KCNQ3: variants seen among roughly 807,000 people sequenced by gnomAD.
The protein encoded by KCNQ3 is potassium voltage-gated channel subfamily KQT member 3.
In KCNQ3, 30 loss-of-function variants were observed where a neutral mutation model predicts 92.5. The ratio of observed to expected loss-of-function variants is 0.32; its 90% CI spans 0.24 to 0.44. The LOEUF is 0.44. KCNQ3 is among the 20% of genes least tolerant of loss of function. The pLI is 1.00. For synonymous variants in KCNQ3, 450 were observed against 468.8 expected (o/e 0.96, Z 0.52); for missense variants, 913 against 1,140.3 (o/e 0.80, Z 2.87).
At chr8:132,262,891 C>T (rs868513431) in intron 1 of KCNQ3, among the ~76,000 whole-genome samples, 1 of 152,140 alleles carries the variant, frequency 6.6e-6, no homozygotes, top group Non-Finnish European at 1.5e-5. Context: ...TGACATTGAT[C>T]GGCTAAATCC....
chr8:132,389,989 T>C (rs1319467082), intron 1 of KCNQ3, among the ~76,000 whole-genome samples: 1 of 152,220 alleles, frequency 6.6e-6, no homozygotes, highest in Non-Finnish European at 1.5e-5. Context: ...CCTAACAGCA[T>C]TATTTGTAAT....
At chr8:132,176,248 C>T (rs62519578) in intron 4 of KCNQ3, among the ~76,000 whole-genome samples, 7,785 of 152,210 alleles carry the variant, frequency 0.051, 315 homozygotes, top group Non-Finnish European at 0.074. Context: ...ATATAATAGA[C>T]TAGGACATAT....
intron 1 of KCNQ3, among the ~76,000 whole-genome samples, chr8:132,314,746 C>T (rs1442372862): frequency 6.6e-6 from 1 of 152,100 alleles, no homozygotes; most frequent in Non-Finnish European, 1.5e-5. Flanking sequence ...ATATAATTAG[C>T]AAAAGTAGGC....
chr8:132,392,790 C>CAAAAAAAAAAAAAAAAAAAA (rs56183412), intron 1 of KCNQ3, among the ~76,000 whole-genome samples: 1 of 72,646 alleles, frequency 1.4e-5, no homozygotes, highest in African/African-American at 7.0e-5. Flanking sequence ...GAACCTGTCT[C>CAAAAAAAAAAAAAAAAAAAA]AAAAAAAAAA....
intron 1 of KCNQ3, among the ~76,000 whole-genome samples, chr8:132,296,757 T>G (rs976840780): frequency 2.0e-5 from 3 of 152,166 alleles, no homozygotes; most frequent in African/African-American, 4.8e-5. Context: ...CCATGGTGTA[T>G]ATGTGCCACA....
At chr8:132,439,998 G>T (rs1288785056) in intron 1 of KCNQ3, among the ~76,000 whole-genome samples, 2 of 152,126 alleles carry the variant, frequency 1.3e-5, no homozygotes, top group Non-Finnish European at 2.9e-5. Context: ...ATACAAAGTG[G>T]TGTACTATTT....
chr8:132,214,762 C>T (rs1307640215), intron 1 of KCNQ3, among the ~76,000 whole-genome samples: 2 of 152,224 alleles, frequency 1.3e-5, no homozygotes, highest in Admixed American at 6.5e-5. Flanking sequence ...GGTAATCAAC[C>T]GCATGCCACA....
intron 1 of KCNQ3, among the ~76,000 whole-genome samples, chr8:132,429,615 C>T (rs1019273984): frequency 6.6e-5 from 10 of 152,064 alleles, no homozygotes; most frequent in Non-Finnish European, 7.4e-5. Flanking sequence ...AATCCCAGCA[C>T]GTTGGGAAGC....
chr8:132,348,642 C>T (rs1465622401), intron 1 of KCNQ3, among the ~76,000 whole-genome samples: 1 of 152,220 alleles, frequency 6.6e-6, no homozygotes, highest in East Asian at 1.9e-4. Context: ...TCCACAGGTG[C>T]AGAGGCTGGC....
At chr8:132,384,912 C>T (rs1819852544) in intron 1 of KCNQ3, among the ~76,000 whole-genome samples, 1 of 152,222 alleles carries the variant, frequency 6.6e-6, no homozygotes. Context: ...ACATGCAATG[C>T]TTTTCCCAGT....
At chr8:132,444,193 GT>G (rs769231087) in intron 1 of KCNQ3, among the ~76,000 whole-genome samples, 59 of 152,104 alleles carry the variant, frequency 3.9e-4, no homozygotes, top group Non-Finnish European at 1.3e-4. Context: ...ACGTGGGTGG[GT>G]TGCTGAGCCC....
At chr8:132,266,728 A>G (rs1311921025) in intron 1 of KCNQ3, among the ~76,000 whole-genome samples, 1 of 151,942 alleles carries the variant, frequency 6.6e-6, no homozygotes. Context: ...TCTGGAACCC[A>G]CTCCAGACTT....
chr8:132,468,811 G>C (rs1025849902), intron 1 of KCNQ3, among the ~76,000 whole-genome samples: 19 of 152,074 alleles, frequency 1.2e-4, no homozygotes, highest in African/African-American at 4.6e-4. Flanking sequence ...CCCACCTCGG[G>C]GGGAAGCCAG....
rs111736901 is a variant in KCNQ3 at position 132,401,969 on chromosome 8, C to T, written c.386+78178G>A. Among the ~76,000 whole-genome samples the T allele has an allele frequency of 2.3e-3, 347 of 151,726 alleles. 2 individuals carry two copies. The highest frequency in any genetic ancestry group is 7.6e-3 in the African/African-American group (315 of 41,468). ...TTCTGAGTGAGAGGGCTGGTGCAGT[C>T]GGGCAGTTGCTAGAGCCAAAGCAAA... On this transcript the variant is annotated intron_variant, in intron 1 of 14. Transcript: ENST00000388996.
chr8:132,278,863 C>T (rs1312957759), intron 1 of KCNQ3, among the ~76,000 whole-genome samples: 1 of 152,162 alleles, frequency 6.6e-6, no homozygotes, highest in Non-Finnish European at 1.5e-5. Context: ...TCCCCAAAAG[C>T]TAGATGCCTG....
At chr8:132,177,071 A>G (rs780902144) in intron 4 of KCNQ3, among the ~76,000 whole-genome samples, 4 of 152,206 alleles carry the variant, frequency 2.6e-5, no homozygotes, top group Admixed American at 2.0e-4. Context: ...CCTCTCGCCT[A>G]TGGAGTGTGG....
At chr8:132,213,483 T>C (rs1311745638) in intron 1 of KCNQ3, among the ~76,000 whole-genome samples, 1 of 152,234 alleles carries the variant, frequency 6.6e-6, no homozygotes, top group East Asian at 1.9e-4. Context: ...CTATTTCATT[T>C]TTCTGTGTCC....
intron 1 of KCNQ3, among the ~76,000 whole-genome samples, chr8:132,450,136 G>A (rs1433348480): frequency 6.6e-6 from 1 of 152,188 alleles, no homozygotes; most frequent in Non-Finnish European, 1.5e-5. Flanking sequence ...GGACCCGAGT[G>A]GGTTGCCACT....
At chr8:132,258,613 C>T (rs562251001) in intron 1 of KCNQ3, among the ~76,000 whole-genome samples, 19 of 151,750 alleles carry the variant, frequency 1.3e-4, no homozygotes, top group African/African-American at 4.6e-4. Context: ...AAAAAAATAG[C>T]AAATGAACCG....
Sources: allele counts gnomAD v4.1 joint callset (sites outside exome capture counted in the v4.1 genomes callset), GRCh38; gene constraint gnomAD v4.1.1; transcripts MANE v1.5; gene names NCBI Gene and HGNC (gene_info 2026-07-23, HGNC 2026-07-21).